BNC2: variants seen among roughly 807,000 people sequenced by gnomAD.
BNC2 encodes the protein zinc finger protein basonuclin-2.
Under a neutral mutation model 76.3 loss-of-function variants are expected in BNC2, and 20 were observed. The observed-to-expected ratio is 0.26, with a 90% confidence interval of 0.18 to 0.38. The LOEUF is 0.38. Ranked by LOEUF, BNC2 falls within the 10% of genes least tolerant of loss-of-function variation. The probability of loss-of-function intolerance (pLI) is 1.00; values close to 1 mark genes in which losing one functional copy is unlikely to be tolerated. For missense variants in BNC2, 1,382 were observed against 1,399.8 expected (o/e 0.99, Z 0.20); for synonymous variants, 582 against 514.8 (o/e 1.13, Z -1.77).
At chr9:16,731,072 T>C (rs991643554) in intron 2 of BNC2, among the ~76,000 whole-genome samples, 4 of 152,224 alleles carry the variant, frequency 2.6e-5, no homozygotes, top group African/African-American at 9.6e-5. Flanking sequence ...ATAATTTCTA[T>C]CTAGCAAGTG....
At chr9:16,838,859 C>G (rs893567233) in intron 1 of BNC2, among the ~76,000 whole-genome samples, 3 of 152,130 alleles carry the variant, frequency 2.0e-5, no homozygotes, top group Admixed American at 2.0e-4. Context: ...AAACATGACT[C>G]CTGACCCACA....
intron 5 of BNC2, among the ~76,000 whole-genome samples, chr9:16,518,527 T>A (rs1312083254): frequency 6.6e-6 from 1 of 152,210 alleles, no homozygotes; most frequent in Non-Finnish European, 1.5e-5. Context: ...TACTAAAGTC[T>A]CTGTTACATG....
At chr9:16,469,533 T>C (rs916580850) in intron 5 of BNC2, among the ~76,000 whole-genome samples, 2 of 152,238 alleles carry the variant, frequency 1.3e-5, no homozygotes, top group South Asian at 4.1e-4. Flanking sequence ...TTTTTGTTCC[T>C]AGTCTCTGGT....
chr9:16,617,120 T>C (rs911600474), intron 3 of BNC2, among the ~76,000 whole-genome samples: 1 of 152,198 alleles, frequency 6.6e-6, no homozygotes, highest in Non-Finnish European at 1.5e-5. Flanking sequence ...GAAATTGATA[T>C]GGGGTCATGA....
Position 16,418,957 on chromosome 9 carries a change from G to C in BNC2, c.*32C>G. On this transcript the variant is annotated 3_prime_UTR_variant, in exon 7 of 7. Transcript: ENST00000380672. ...AGTTCAAACACGTAGGCCATCTGGT[G>C]AGAGCTGGCATTTGTAGTGTCCATT... is the stretch of plus-strand genomic sequence containing the variant. The C allele has an allele frequency of 2.5e-6, 4 of 1,610,622 alleles. No individual in the cohort carries two copies. Among genetic ancestry groups the C allele is most frequent in the Non-Finnish European group, 3.4e-6 (4 of 1,176,980 alleles).
At chr9:16,701,367 T>C (rs1823506196) in intron 3 of BNC2, among the ~76,000 whole-genome samples, 1 of 152,206 alleles carries the variant, frequency 6.6e-6, no homozygotes, top group Non-Finnish European at 1.5e-5. Context: ...ATTACACATG[T>C]TAGGCCTTGA....
intron 3 of BNC2, among the ~76,000 whole-genome samples, chr9:16,586,713 C>G (rs765600572): frequency 6.6e-6 from 1 of 152,190 alleles, no homozygotes; most frequent in Non-Finnish European, 1.5e-5. Context: ...AATATCACCA[C>G]TAAGCAAAAA....
intron 3 of BNC2, among the ~76,000 whole-genome samples, chr9:16,709,964 C>T (rs375961657): frequency 4.8e-4 from 73 of 152,030 alleles, no homozygotes; most frequent in African/African-American, 1.7e-3. Context: ...CTAAGATTGC[C>T]CAGACTACAC....
At chr9:16,766,398 T>A (rs1825695829) in intron 1 of BNC2, among the ~76,000 whole-genome samples, 1 of 152,100 alleles carries the variant, frequency 6.6e-6, no homozygotes, top group African/African-American at 2.4e-5. Context: ...TGAGGACTGA[T>A]TTTCAGGATG....
chr9:16,664,457 C>G (rs1283438215), intron 3 of BNC2, among the ~76,000 whole-genome samples: 1 of 152,238 alleles, frequency 6.6e-6, no homozygotes, highest in South Asian at 2.1e-4. Flanking sequence ...ACTCATAAGC[C>G]TATACCAAGT....
chr9:16,552,356 C>G (rs551607748), intron 5 of BNC2, among the ~76,000 whole-genome samples, 174 bp downstream of exon 5: 3 of 152,128 alleles, frequency 2.0e-5, no homozygotes, highest in African/African-American at 7.2e-5. Context: ...GCCTGAGGCC[C>G]GATGGTGGCC....
At chr9:16,781,409 C>T (rs1020031453) in intron 1 of BNC2, among the ~76,000 whole-genome samples, 23 of 152,268 alleles carry the variant, frequency 1.5e-4, no homozygotes, top group African/African-American at 5.3e-4. Context: ...GTGGCGCAAT[C>T]GTGGCTCACT....
At chr9:16,624,688 T>C (rs1260187200) in intron 3 of BNC2, among the ~76,000 whole-genome samples, 2 of 152,206 alleles carry the variant, frequency 1.3e-5, no homozygotes. Context: ...ATCAGTGGTA[T>C]TAAAAGCATA....
At chr9:16,835,858 A>G (rs1203769875) in intron 1 of BNC2, among the ~76,000 whole-genome samples, 3 of 152,198 alleles carry the variant, frequency 2.0e-5, no homozygotes, top group African/African-American at 7.2e-5. Context: ...TTGGCGTCTA[A>G]AGTTGAATTG....
chr9:16,729,585 CAAAA>C (rs1317203521), intron 2 of BNC2, among the ~76,000 whole-genome samples: 1 of 152,086 alleles, frequency 6.6e-6, no homozygotes, highest in African/African-American at 2.4e-5. Flanking sequence ...AAAAAAGTCT[CAAAA>C]GAAGCAAATT....
Position 16,726,399 on chromosome 9 carries a change from T to C in BNC2, c.330+1398A>G, listed in dbSNP as rs527301601. On this transcript the variant is annotated intron_variant, in intron 3 of 6. Coordinates refer to ENST00000380672, the MANE Select transcript of BNC2 (RefSeq NM_017637.6). ...GTGCTAAAACTGTTCTCTAGCTAAA[T>C]GCTACAAAACCCTGGTTGTAGGTAT... Among the ~76,000 whole-genome samples, 3 of 152,312 alleles carry C rather than the reference T, an allele frequency of 2.0e-5. No individual in the cohort carries two copies. The East Asian group carries it at 5.8e-4, about 29-fold the overall frequency.
intron 1 of BNC2, among the ~76,000 whole-genome samples, chr9:16,841,686 G>T (rs75444579): frequency 6.6e-6 from 1 of 151,738 alleles, no homozygotes; most frequent in Non-Finnish European, 1.5e-5. Flanking sequence ...CACTTAAAAC[G>T]TGAAAAAAAA....
chr9:16,568,426 T>A (rs1340530441), intron 4 of BNC2, among the ~76,000 whole-genome samples: 2 of 152,122 alleles, frequency 1.3e-5, no homozygotes, highest in Non-Finnish European at 2.9e-5. Flanking sequence ...GGCTCTTCAT[T>A]TTTGCTAATA....
At chr9:16,866,444 C>T (rs1226815757) in intron 1 of BNC2, among the ~76,000 whole-genome samples, 1 of 151,818 alleles carries the variant, frequency 6.6e-6, no homozygotes, top group Admixed American at 6.6e-5. Context: ...TCGTAGGAAG[C>T]TACTTTTAAT....
Sources: gnomAD v4.1 joint callset for allele counts (sites outside exome capture counted in the v4.1 genomes callset) on GRCh38, gnomAD v4.1.1 for gene constraint, MANE v1.5 for transcripts, NCBI Gene and HGNC (gene_info 2026-07-23, HGNC 2026-07-21) for gene names.